The following CECR2 variants were observed in gnomAD, a reference collection of about 807,000 sequenced individuals.
CECR2 encodes CECR2 histone acetyl-lysine reader.
Under a neutral mutation model 154.5 loss-of-function variants are expected in CECR2, and 30 were observed. The ratio of observed to expected loss-of-function variants is 0.19; its 90% CI spans 0.15 to 0.26. The LOEUF (loss-of-function observed/expected upper bound fraction) is 0.26, where lower values mean the gene tolerates loss of function less well. Ranked by LOEUF, CECR2 falls within the 10% of genes least tolerant of loss-of-function variation. The probability of loss-of-function intolerance (pLI) is 1.00; values close to 1 mark genes in which losing one functional copy is unlikely to be tolerated. For synonymous variants in CECR2, 725 were observed against 683.7 expected, an observed-to-expected ratio of 1.06 and a Z score of -0.94; for missense variants, 1,743 against 1,829.3, an observed-to-expected ratio of 0.95 and a Z score of 0.86.
chr22:17,392,408 A>G (rs2063335395), intron 1 of CECR2, among the ~76,000 whole-genome samples: 1 of 152,144 alleles, frequency 6.6e-6, no homozygotes, highest in Admixed American at 6.5e-5. Flanking sequence ...GAATCGCTTG[A>G]ACCTGGGAGG....
Position 17,548,846 on chromosome 22 carries a change from C to G in CECR2, c.3559C>G (p.His1187Asp), listed in dbSNP as rs546113280. The G allele has an allele frequency of 6.2e-7, 1 of 1,613,522 alleles. No individual in the cohort carries two copies. The highest frequency in any genetic ancestry group is 1.1e-5 in the South Asian group (1 of 91,050). Residue 1187 changes from histidine (H) to aspartate (D), a missense_variant, in exon 17 of 19, where the codon CAC (histidine) becomes GAC (aspartate). By Grantham distance (81) the His-to-Asp change is moderately conservative. Transcript: ENST00000262608. ...RPPQGMRYSY[H>D]PPPQPSYHHY... ...CCCACAAGGAATGAGGTATTCCTAC[C>G]ACCCACCGCCACAGCCTTCCTACCA...
At chr22:17,549,890 T>G (rs1450366568) in intron 17 of CECR2, among the ~76,000 whole-genome samples, 1 of 148,750 alleles carries the variant, frequency 6.7e-6, no homozygotes, top group Non-Finnish European at 1.5e-5. Flanking sequence ...CCTGTCAAAG[T>G]GCTGAGATTA....
At chr22:17,503,053 A>C (rs774823042) in intron 5 of CECR2, 29 bp from the exon 6 acceptor site, 1 of 1,605,666 alleles carries the variant, frequency 6.2e-7, no homozygotes, top group African/African-American at 1.3e-5. Context: ...TCTTTGTTTT[A>C]ATTGGCACCT....
upstream of CECR2, among the ~76,000 whole-genome samples, chr22:17,368,038 G>A (rs146390527): frequency 2.0e-5 from 3 of 152,234 alleles, no homozygotes; most frequent in Non-Finnish European, 4.4e-5. Flanking sequence ...GGTGGGGGGC[G>A]GAGGAGACCC....
intron 14 of CECR2, 128 bp from the exon 15 acceptor site, chr22:17,541,711 G>C: frequency 8.5e-7 from 1 of 1,169,644 alleles, no homozygotes; most frequent in Non-Finnish European, 1.2e-6. Flanking sequence ...CAGTCTCCCT[G>C]TCTCCAGCCG....
chr22:17,543,186 G>T (rs1470153783), intron 16 of CECR2, among the ~76,000 whole-genome samples, 183 bp downstream of exon 16: 1 of 152,108 alleles, frequency 6.6e-6, no homozygotes, highest in African/African-American at 2.4e-5. Context: ...AGGCTGGAGT[G>T]CAGTGGTGTG....
chr22:17,515,498 C>G (rs1213312355), intron 8 of CECR2, among the ~76,000 whole-genome samples: 2 of 152,162 alleles, frequency 1.3e-5, no homozygotes. Flanking sequence ...CAGGCTTTTC[C>G]TCTATGCATT....
At chr22:17,499,599 TA>T in intron 4 of CECR2, 50 bp downstream of exon 4, 1 of 1,519,106 alleles carries the variant, frequency 6.6e-7, no homozygotes, top group Non-Finnish European at 8.9e-7. Flanking sequence ...AAAATGTCAT[TA>T]AGATTAAATG....
intron 1 of CECR2, among the ~76,000 whole-genome samples, chr22:17,394,437 G>C (rs1272343910): frequency 6.6e-6 from 1 of 151,578 alleles, no homozygotes; most frequent in East Asian, 1.9e-4. Flanking sequence ...TTGAACTCTT[G>C]GCCTTAAGTG....
At chr22:17,371,790 TTA>T (rs1264798598) in intron 1 of CECR2, among the ~76,000 whole-genome samples, 8 of 152,224 alleles carry the variant, frequency 5.3e-5, no homozygotes, top group South Asian at 2.1e-4. Flanking sequence ...TGGAAAAACT[TTA>T]TGTCTCAAAA....
chr22:17,542,106 G>A, intron 15 of CECR2, 51 bp from the exon 16 acceptor site: 1 of 1,582,834 alleles, frequency 6.3e-7, no homozygotes, highest in Non-Finnish European at 8.6e-7. Flanking sequence ...ATGGCACAAA[G>A]TGTGCCTTAT....
chr22:17,501,457 C>CT (rs1001672116), intron 5 of CECR2, among the ~76,000 whole-genome samples: 25 of 152,106 alleles, frequency 1.6e-4, no homozygotes, highest in African/African-American at 6.0e-4. Context: ...ACTCGGGAGG[C>CT]TGAGGCAGGA....
At chr22:17,376,374 A>G (rs1445328564) in intron 1 of CECR2, among the ~76,000 whole-genome samples, 1 of 133,156 alleles carries the variant, frequency 7.5e-6, no homozygotes, top group Admixed American at 7.1e-5. Context: ...AAGTTGCTTA[A>G]TGTTCTGGAA....
At chr22:17,407,081 C>G (rs999673569) in intron 1 of CECR2, among the ~76,000 whole-genome samples, 1 of 152,088 alleles carries the variant, frequency 6.6e-6, no homozygotes, top group Non-Finnish European at 1.5e-5. Context: ...GCTTATTAGC[C>G]GTGTTCTTGA....
intron 9 of CECR2, among the ~76,000 whole-genome samples, chr22:17,535,193 C>G (rs998966725): frequency 6.6e-6 from 1 of 152,002 alleles, no homozygotes; most frequent in Non-Finnish European, 1.5e-5. Context: ...TGACAGACCC[C>G]TGTAGTCCCA....
intron 9 of CECR2, among the ~76,000 whole-genome samples, chr22:17,525,531 C>A (rs174328): frequency 5.3e-5 from 8 of 151,544 alleles, no homozygotes; most frequent in African/African-American, 1.2e-4. Context: ...GCTTGAACCC[C>A]GGAGGTGGAA....
At chr22:17,376,282 T>C (rs1370583390) in intron 1 of CECR2, among the ~76,000 whole-genome samples, 1 of 152,210 alleles carries the variant, frequency 6.6e-6, no homozygotes, top group Non-Finnish European at 1.5e-5. Flanking sequence ...GTTGGGATCT[T>C]CTGCAGTTTA....
intron 7 of CECR2, among the ~76,000 whole-genome samples, chr22:17,510,111 G>C (rs963166508): frequency 3.9e-5 from 6 of 152,198 alleles, no homozygotes; most frequent in Non-Finnish European, 7.3e-5. Context: ...ATGGTTTACA[G>C]ATGCGGCGAT....
intron 9 of CECR2, among the ~76,000 whole-genome samples, chr22:17,532,063 G>C (rs992354315): frequency 2.6e-5 from 4 of 151,976 alleles, no homozygotes; most frequent in Non-Finnish European, 5.9e-5. Flanking sequence ...CCAGCTACTC[G>C]GGAGGCTGAG....
Sources: allele counts gnomAD v4.1 joint callset (sites outside exome capture counted in the v4.1 genomes callset), GRCh38; gene constraint gnomAD v4.1.1; transcripts MANE v1.5; gene names NCBI Gene and HGNC (gene_info 2026-07-23, HGNC 2026-07-21).